HERC1: variants seen among roughly 807,000 people sequenced by gnomAD.
The protein encoded by HERC1 is HECT and RLD domain containing E3 ubiquitin protein ligase family member 1.
In HERC1, 160 loss-of-function variants were observed where a neutral mutation model predicts 554.3. The ratio of observed to expected loss-of-function variants is 0.29; its 90% CI spans 0.25 to 0.33. The LOEUF is 0.33. Among genes scored for constraint, HERC1 ranks in the 10% least tolerant of loss-of-function variants. HERC1 has a pLI of 1.00. For synonymous variants in HERC1, 2,175 were observed against 2,131.7 expected, an observed-to-expected ratio of 1.02 and a Z score of -0.56; for missense variants, 4,919 against 5,918.5, an observed-to-expected ratio of 0.83 and a Z score of 5.54.
intron 1 of HERC1, among the ~76,000 whole-genome samples, chr15:63,822,782 C>A (rs2077749630): frequency 6.6e-6 from 1 of 151,910 alleles, no homozygotes; most frequent in Non-Finnish European, 1.5e-5. Flanking sequence ...GTGGTTTAAA[C>A]CAGAATAAGG....
At chr15:63,723,855 T>C (rs1404981726) in intron 18 of HERC1, among the ~76,000 whole-genome samples, 3 of 152,184 alleles carry the variant, frequency 2.0e-5, no homozygotes, top group African/African-American at 7.2e-5. Context: ...TCAATTGATA[T>C]TTATATTTGT....
rs1440830657 is a variant in HERC1, at chr15:63,718,357, A to T, written c.3978+217T>A. The T allele has an allele frequency of 2.3e-6, 1 of 442,896 alleles. No homozygotes were observed. Among genetic ancestry groups the T allele is most frequent in the South Asian group, 4.7e-5 (1 of 21,248 alleles). 27.4% of individuals were successfully genotyped at this position (442,896 alleles called of 1,614,324 possible). On this transcript the variant is annotated intron_variant, in intron 21 of 77. Coordinates refer to ENST00000443617, the MANE Select transcript of HERC1 (RefSeq NM_003922.4). The surrounding 1 kb of genome is among the most constrained non-coding windows in gnomAD (Gnocchi z 4.2). ...TTTGTTATTAATATTTATGCAGCCA[A>T]CTAAAGTTTCTTAGAACCAATATCA...
At chr15:63,640,472 T>C in intron 60 of HERC1, 27 bp from the exon 61 acceptor site, 1 of 1,567,920 alleles carries the variant, frequency 6.4e-7, no homozygotes, top group African/African-American at 1.4e-5. Flanking sequence ...GGATATAATA[T>C]GTCAAAGAGT....
intron 34 of HERC1, among the ~76,000 whole-genome samples, chr15:63,684,970 C>T (rs2071671329): frequency 6.6e-6 from 1 of 152,254 alleles, no homozygotes; most frequent in Admixed American, 6.5e-5. Context: ...GATCGCACCA[C>T]TGCACTCCAG....
At chr15:63,783,714 G>A (rs1023720840) in intron 1 of HERC1, among the ~76,000 whole-genome samples, 2 of 152,196 alleles carry the variant, frequency 1.3e-5, no homozygotes, top group African/African-American at 4.8e-5. Context: ...TCTATTGGTA[G>A]ACCATGAATT....
At chr15:63,628,846 C>G in intron 69 of HERC1, 31 bp from the exon 70 acceptor site, 1 of 1,597,078 alleles carries the variant, frequency 6.3e-7, no homozygotes, top group Non-Finnish European at 8.5e-7. Flanking sequence ...TACAGACATT[C>G]AATTAGAAAG....
At chr15:63,634,683 GA>G in intron 66 of HERC1, 49 bp downstream of exon 66, 2 of 1,521,674 alleles carry the variant, frequency 1.3e-6, no homozygotes, top group South Asian at 1.2e-5. Context: ...GAACACAGAA[GA>G]AATGAGAAAC....
rs1446413816 is a variant in HERC1, at chr15:63,640,278, G to C, written c.11775C>G (p.Ala3925=). The C allele has an allele frequency of 6.2e-7, 1 of 1,613,930 alleles. No homozygotes were observed. The highest frequency in any genetic ancestry group is 1.1e-5 in the South Asian group (1 of 91,080). The change falls in exon 61 of 78, where the codon GCC becomes GCG. Residue 3925 remains alanine (A), a synonymous_variant. Transcript: ENST00000443617. ...TAGTGGTTGAGAAACATTCTAACCA[G>C]GCCCATTCATTTGGATTCCAGGATG... ...DPASWNPNEW[A]WLECFSTTIK...
chr15:63,812,814 GAAATC>G (rs1567153528), intron 1 of HERC1, among the ~76,000 whole-genome samples: 1 of 151,878 alleles, frequency 6.6e-6, no homozygotes, highest in African/African-American at 2.4e-5. Flanking sequence ...ATTAAGGAAA[GAAATC>G]AAAGATAATC....
intron 1 of HERC1, among the ~76,000 whole-genome samples, chr15:63,805,513 G>A (rs1306972266): frequency 6.6e-6 from 1 of 152,182 alleles, no homozygotes; most frequent in African/African-American, 2.4e-5. Flanking sequence ...AGACATAAAA[G>A]GGAACTTTCT....
chr15:63,803,810 C>A (rs1176522823), intron 1 of HERC1, among the ~76,000 whole-genome samples: 1 of 152,134 alleles, frequency 6.6e-6, no homozygotes. Flanking sequence ...AATAGCAAAA[C>A]AATTCTAACT....
At chr15:63,700,377 T>C (rs543118309) in intron 25 of HERC1, among the ~76,000 whole-genome samples, 29 of 152,194 alleles carry the variant, frequency 1.9e-4, no homozygotes, top group South Asian at 1.9e-3. Flanking sequence ...ATATCAGTTA[T>C]GTAACTAGAT....
At chr15:63,782,535 A>G (rs1426605683) in intron 1 of HERC1, among the ~76,000 whole-genome samples, 1 of 152,232 alleles carries the variant, frequency 6.6e-6, no homozygotes, top group African/African-American at 2.4e-5. Context: ...CTAGTCACTC[A>G]AGAGCTCTAC....
chr15:63,667,072 C>T (rs1259826011), intron 40 of HERC1, among the ~76,000 whole-genome samples: 1 of 152,192 alleles, frequency 6.6e-6, no homozygotes, highest in East Asian at 1.9e-4. Context: ...GAAGAAAATA[C>T]ATATGTTAGA....
At chr15:63,816,399 A>G (rs1302892244) in intron 1 of HERC1, among the ~76,000 whole-genome samples, 2 of 152,166 alleles carry the variant, frequency 1.3e-5, no homozygotes, top group African/African-American at 4.8e-5. Flanking sequence ...TGTAAACTCA[A>G]TATTTTATTA....
At chr15:63,771,407 T>C (rs975541663) in intron 2 of HERC1, among the ~76,000 whole-genome samples, 2 of 151,616 alleles carry the variant, frequency 1.3e-5, no homozygotes, top group Admixed American at 1.3e-4. Flanking sequence ...TTCCCCAGAA[T>C]AGATCTAGAA....
chr15:63,794,619 G>A (rs182916591), intron 1 of HERC1, among the ~76,000 whole-genome samples: 8 of 152,206 alleles, frequency 5.3e-5, no homozygotes, highest in African/African-American at 1.9e-4. Flanking sequence ...GATTTTAGGA[G>A]TTATATTCCA....
At chr15:63,822,798 A>T (rs1250818662) in intron 1 of HERC1, among the ~76,000 whole-genome samples, 1 of 152,140 alleles carries the variant, frequency 6.6e-6, no homozygotes, top group Non-Finnish European at 1.5e-5. Context: ...TAAGGCAGAG[A>T]TGACAAAATG....
rs561874369 is a variant in HERC1 at position 63,741,274 on chromosome 15, G to A, written c.2520+5644C>T. ...GAACTCCTGACCTCGTGATCCACCC[G>A]CCTCAGCCTCTCAAAGTGCTGGGAT... On this transcript the variant is annotated intron_variant, in intron 12 of 77. Coordinates refer to ENST00000443617, the MANE Select transcript of HERC1 (RefSeq NM_003922.4). Among the ~76,000 whole-genome samples the A allele has an allele frequency of 1.0e-3, 158 of 151,656 alleles. 1 individual carries two copies. In the South Asian group the frequency reaches 0.027, roughly 26 times the overall value.
Sources: gnomAD v4.1 joint callset for allele counts (sites outside exome capture counted in the v4.1 genomes callset) on GRCh38, gnomAD v4.1.1 for gene constraint, Gnocchi (gnomAD v3.1) non-coding constraint, MANE v1.5 for transcripts, NCBI Gene and HGNC (gene_info 2026-07-23, HGNC 2026-07-21) for gene names.